DOP1B: variants seen among roughly 807,000 people sequenced by gnomAD.
The protein encoded by DOP1B is DOP1 leucine zipper like protein B, also known as protein DOP1B.
In DOP1B, 174 loss-of-function variants were observed where a neutral mutation model predicts 233.5. The observed-to-expected ratio is 0.75, with a 90% CI of 0.66 to 0.85. The LOEUF (loss-of-function observed/expected upper bound fraction) is 0.85. DOP1B is among the 40% of genes least tolerant of loss of function. DOP1B has a pLI of 0.00. For missense variants in DOP1B, 2,652 were observed against 2,846.6 expected, an observed-to-expected ratio of 0.93 and a Z score of 1.56; for synonymous variants, 1,190 against 1,185.6, an observed-to-expected ratio of 1.00 and a Z score of -0.08.
intron 11 of DOP1B, among the ~76,000 whole-genome samples, chr21:36,223,640 A>G (rs2066650846): frequency 7.1e-6 from 1 of 141,228 alleles, no homozygotes; most frequent in Admixed American, 7.1e-5. Context: ...CATTCATCAA[A>G]TCAGCTTTCC....
At chr21:36,262,046 A>G in intron 24 of DOP1B, 1 of 855,260 alleles carries the variant, frequency 1.2e-6, no homozygotes, top group Non-Finnish European at 1.4e-6. Context: ...TCACACAGTT[A>G]ACATTACATA....
intron 21 of DOP1B, among the ~76,000 whole-genome samples, chr21:36,248,896 G>A (rs2067000265): frequency 6.6e-6 from 1 of 151,702 alleles, no homozygotes; most frequent in South Asian, 2.1e-4. Context: ...CCTGAGGTCA[G>A]GAGTTCAAGA....
intron 26 of DOP1B, among the ~76,000 whole-genome samples, chr21:36,266,765 C>A (rs1453869780): frequency 2.6e-5 from 4 of 152,230 alleles, no homozygotes; most frequent in African/African-American, 9.6e-5. Flanking sequence ...GGGCCCCCAG[C>A]CACAACCATC....
chr21:36,251,695 A>G (rs1302155943), intron 22 of DOP1B, among the ~76,000 whole-genome samples: 1 of 152,228 alleles, frequency 6.6e-6, no homozygotes, highest in Non-Finnish European at 1.5e-5. Context: ...TGCTGGGATT[A>G]CAGGCGTGAG....
intron 2 of DOP1B, among the ~76,000 whole-genome samples, chr21:36,189,988 T>A (rs939009739): frequency 8.2e-6 from 1 of 122,630 alleles, no homozygotes; most frequent in Non-Finnish European, 1.6e-5. Context: ...CCAACCTGGG[T>A]GACAGAGCGA....
rs1335362187 is a variant in DOP1B at position 36,156,856 on chromosome 21, C to T, written c.-114C>T. On this transcript the variant is annotated 5_prime_UTR_variant, in exon 1 of 37. Coordinates refer to ENST00000691173, the MANE Select transcript of DOP1B (RefSeq NM_001320714.2). ...TCGGCGGTTCTGGCTCCCGGCCGCG[C>T]CGCAGCCCTGCCCAGTCTCTCTCCC... 2.0e-5 allele frequency: 3 copies of T among 152,660 alleles called. No homozygotes were observed. Among genetic ancestry groups the T allele is most frequent in the African/African-American group, 2.4e-5 (1 of 41,460 alleles). The allele number at this position is 152,660 out of a possible 1,614,324, so 9.5% of individuals were successfully genotyped here.
intron 12 of DOP1B, 118 bp downstream of exon 12, chr21:36,225,785 T>C (rs368979013): frequency 1.5e-4 from 149 of 990,434 alleles, no homozygotes; most frequent in Non-Finnish European, 2.1e-4. Context: ...TATGCAACAC[T>C]GTTTTGATGT....
rs1391932785 is a variant in DOP1B, at chr21:36,293,363, C to T, written c.6689C>T (p.Pro2230Leu). The change falls in exon 37 of 37, where the codon CCG (proline) becomes CTG (leucine). Residue 2230 changes from proline (P) to leucine (L), a missense_variant. Transcript: ENST00000691173. ...SDEITMKSEF[P>L]LLRQHSVSSI... ...GAGATCACCATGAAGAGTGAATTCC[C>T]GCTTCTGCGCCAACATTCTGTTTCC... is the stretch of plus-strand genomic sequence containing the variant. 20 of 1,613,982 alleles carry T rather than the reference C, an allele frequency of 1.2e-5. No individual in the cohort carries two copies. Among genetic ancestry groups the T allele is most frequent in the Middle Eastern group, 1.6e-4 (1 of 6,084 alleles).
At chr21:36,231,475 G>A (rs1312476388) in intron 14 of DOP1B, among the ~76,000 whole-genome samples, 3 of 152,076 alleles carry the variant, frequency 2.0e-5, no homozygotes, top group Admixed American at 6.6e-5. Context: ...GGCCTCATTT[G>A]TTCCCTTCCT....
intron 23 of DOP1B, 76 bp downstream of exon 23, chr21:36,253,985 A>G (rs2067063590): frequency 5.2e-6 from 8 of 1,524,880 alleles, no homozygotes; most frequent in Non-Finnish European, 6.2e-6. Flanking sequence ...TTCCTTATAA[A>G]TCGTGTTTGG....
intron 27 of DOP1B, among the ~76,000 whole-genome samples, chr21:36,275,285 T>C (rs2146240526): frequency 6.6e-6 from 1 of 152,338 alleles, no homozygotes; most frequent in Middle Eastern, 3.4e-3. Context: ...ATTGGGATCA[T>C]AAATGGAATT....
At chr21:36,192,893 G>A (rs966075579) in intron 2 of DOP1B, among the ~76,000 whole-genome samples, 1 of 151,928 alleles carries the variant, frequency 6.6e-6, no homozygotes, top group African/African-American at 2.4e-5. Flanking sequence ...GTTTCACTGT[G>A]TTAGCCAGGA....
At position 36,219,789 on chromosome 21, in the gene DOP1B, T is replaced by A. The variant is rs73375801; in HGVS notation, c.1250+297T>A. 5.6e-3 allele frequency among the ~76,000 whole-genome samples: 854 copies of A among 151,814 alleles called. 5 individuals are homozygous for A. The highest frequency in any genetic ancestry group is 0.019 in the African/African-American group (803 of 41,400). ...TGAAACAATGAAATGTATGTATTGA[T>A]CAAGTATGAAACTCGTTTAACAAAG... On this transcript the variant is annotated intron_variant, in intron 10 of 36. Transcript: ENST00000691173.
chr21:36,225,150 T>A (rs140698348), intron 11 of DOP1B, among the ~76,000 whole-genome samples: 120 of 152,310 alleles, frequency 7.9e-4, no homozygotes, highest in Non-Finnish European at 1.5e-3. Flanking sequence ...CTACAAAAGC[T>A]GCCTTCCATT....
intron 2 of DOP1B, among the ~76,000 whole-genome samples, chr21:36,180,319 AGG>A (rs2066082059): frequency 6.6e-6 from 1 of 152,274 alleles, no homozygotes; most frequent in African/African-American, 2.4e-5. Flanking sequence ...CTGTAATCCC[AGG>A]GCTTTGGGAG....
chr21:36,213,700 G>T (rs181344017), intron 7 of DOP1B, among the ~76,000 whole-genome samples: 1 of 151,358 alleles, frequency 6.6e-6, no homozygotes, highest in African/African-American at 2.4e-5. Flanking sequence ...CATCACGCCC[G>T]GCTAATTTTT....
chr21:36,281,295 CAAAT>C (rs1000128648), intron 31 of DOP1B, among the ~76,000 whole-genome samples, 184 bp from the exon 32 acceptor site: 1 of 152,084 alleles, frequency 6.6e-6, no homozygotes, highest in East Asian at 1.9e-4. Flanking sequence ...GATCCTGTCT[CAAAT>C]AAGAAATAAA....
chr21:36,227,361 C>A (rs7279315), intron 12 of DOP1B, among the ~76,000 whole-genome samples: 3 of 151,682 alleles, frequency 2.0e-5, no homozygotes, highest in East Asian at 1.9e-4. Flanking sequence ...TCCTGGCTAA[C>A]ACGGTGAAAC....
chr21:36,169,194 A>G, intron 2 of DOP1B: 3 of 1,039,092 alleles, frequency 2.9e-6, no homozygotes, highest in Non-Finnish European at 3.0e-6. Context: ...AGCATAACAG[A>G]GTTATTGGTC....
Sources: gnomAD v4.1 joint callset for allele counts (sites outside exome capture counted in the v4.1 genomes callset) on GRCh38, gnomAD v4.1.1 for gene constraint, MANE v1.5 for transcripts, NCBI Gene and HGNC (gene_info 2026-07-23, HGNC 2026-07-21) for gene names.